Variants in MICU1 observed in about 807,000 individuals in gnomAD.
The protein encoded by MICU1 is mitochondrial calcium uptake 1.
Under a neutral mutation model 56.8 loss-of-function variants are expected in MICU1, and 45 were observed. The ratio of observed to expected loss-of-function variants is 0.79; its 90% CI spans 0.62 to 1.02. The LOEUF is 1.02. MICU1 is among the 50% of genes least tolerant of loss of function. MICU1 has a pLI of 0.00. For missense variants in MICU1, 504 were observed against 587.1 expected, an observed-to-expected ratio of 0.86 and a Z score of 1.46; for synonymous variants, 186 against 195.1, an observed-to-expected ratio of 0.95 and a Z score of 0.39.
At chr10:72,556,228 T>C (rs184827919) in intron 3 of MICU1, among the ~76,000 whole-genome samples, 1 of 152,372 alleles carries the variant, frequency 6.6e-6, no homozygotes, top group Admixed American at 6.5e-5. Context: ...GCATCTGTCA[T>C]AGGATGATCT....
chr10:72,490,855 C>A (rs1306175533), intron 6 of MICU1, among the ~76,000 whole-genome samples: 1 of 152,196 alleles, frequency 6.6e-6, no homozygotes, highest in Non-Finnish European at 1.5e-5. Flanking sequence ...TAGGAGGCAG[C>A]GAGTTTAATC....
Position 72,611,763 on chromosome 10 carries a change from T to C in MICU1, c.-2+14247A>G, listed in dbSNP as rs117632966. Among the ~76,000 whole-genome samples, 824 of 152,114 alleles carry C rather than the reference T, an allele frequency of 5.4e-3. 10 individuals carry two copies. Among genetic ancestry groups the C allele is most frequent in the Admixed American group, 0.011 (171 of 15,266 alleles). ...AGAATATTAGAGCTGAAAGAGACCT[T>C]AACATTTTTCAAAATTTCAGTATGA... is the stretch of plus-strand genomic sequence containing the variant. On this transcript the variant is annotated intron_variant, in intron 1 of 11. Transcript: ENST00000361114.
chr10:72,379,526 T>A (rs1862633315), intron 10 of MICU1: 1 of 419,898 alleles, frequency 2.4e-6, no homozygotes, highest in South Asian at 1.7e-5. Context: ...CACAGCCTTC[T>A]GCAATTGTCT....
At chr10:72,441,862 C>G (rs1052248289) in intron 8 of MICU1, among the ~76,000 whole-genome samples, 1 of 151,958 alleles carries the variant, frequency 6.6e-6, no homozygotes, top group African/African-American at 2.4e-5. Flanking sequence ...AAGTGATCCG[C>G]CCACCCTGGC....
rs1028179707 is a variant in MICU1, at chr10:72,538,618, A to G, written c.494-4829T>C. 1.1e-4 allele frequency among the ~76,000 whole-genome samples: 16 copies of G among 152,258 alleles called. No homozygotes were observed. The East Asian group carries it at 1.5e-3, about 15-fold the overall frequency. ...TAAAAATAAAAGGCAAGGAATTAAA[A>G]TATACTACCAGAGAAAATAACCACA... On this transcript the variant is annotated intron_variant, in intron 4 of 11. Coordinates refer to ENST00000361114, the MANE Select transcript of MICU1 (RefSeq NM_001195518.2).
intron 6 of MICU1, chr10:72,477,486 T>C: frequency 6.6e-7 from 1 of 1,517,454 alleles, no homozygotes; most frequent in African/African-American, 1.4e-5. Flanking sequence ...AGACAGCACT[T>C]GTCTACCTTT....
chr10:72,500,861 T>C (rs1231741733), intron 6 of MICU1, among the ~76,000 whole-genome samples: 2 of 152,204 alleles, frequency 1.3e-5, no homozygotes, highest in African/African-American at 4.8e-5. Context: ...AAAGAAATTC[T>C]GATAACCCTT....
rs551893309 is a variant in MICU1, at chr10:72,385,217, C to G, written c.1181-9345G>C. 1.2e-3 allele frequency among the ~76,000 whole-genome samples: 184 copies of G among 152,264 alleles called. 1 individual carries two copies. Among genetic ancestry groups the G allele is most frequent in the African/African-American group, 4.0e-3 (165 of 41,538 alleles). ...ATGTTAAAAACAAGCAGGCCGGGCA[C>G]AGTGGCTCACGTCTATAAATCCAAC... On this transcript the variant is annotated intron_variant, in intron 10 of 11. Transcript: ENST00000361114.
At chr10:72,416,386 G>A (rs1863984800) in intron 9 of MICU1, among the ~76,000 whole-genome samples, 1 of 152,114 alleles carries the variant, frequency 6.6e-6, no homozygotes, top group Non-Finnish European at 1.5e-5. Flanking sequence ...ATAGTGACTG[G>A]TGGGCACCTA....
At chr10:72,452,842 T>C (rs538098213) in intron 8 of MICU1, among the ~76,000 whole-genome samples, 9 of 152,316 alleles carry the variant, frequency 5.9e-5, no homozygotes, top group Admixed American at 5.9e-4. Flanking sequence ...TAAAATCATA[T>C]AACTGTTACT....
intron 1 of MICU1, among the ~76,000 whole-genome samples, chr10:72,600,449 G>A (rs1841497801): frequency 6.6e-6 from 1 of 151,942 alleles, no homozygotes; most frequent in Admixed American, 6.6e-5. Flanking sequence ...GGGAGTTCGA[G>A]ACCAGCCTGG....
At chr10:72,415,020 T>G (rs1863938898) in intron 9 of MICU1, among the ~76,000 whole-genome samples, 3 of 150,586 alleles carry the variant, frequency 2.0e-5, no homozygotes, top group African/African-American at 4.9e-5. Flanking sequence ...TTAGTTTTTT[T>G]TTTTTTTTTT....
At chr10:72,430,118 AAAAG>A (rs980643353) in intron 8 of MICU1, among the ~76,000 whole-genome samples, 1 of 152,188 alleles carries the variant, frequency 6.6e-6, no homozygotes, top group African/African-American at 2.4e-5. Flanking sequence ...AACTTTTCTT[AAAAG>A]AAAGTTAGGC....
intron 4 of MICU1, among the ~76,000 whole-genome samples, chr10:72,542,998 C>A (rs1298203712): frequency 6.6e-6 from 1 of 152,202 alleles, no homozygotes; most frequent in Non-Finnish European, 1.5e-5. Context: ...CGCTTGAAGT[C>A]AAGTCACTTC....
chr10:72,484,382 C>A lies in MICU1; in HGVS notation c.653-7126G>T, dbSNP rs566316244. 4.0e-5 allele frequency among the ~76,000 whole-genome samples: 6 copies of A among 151,370 alleles called. No individual in the cohort carries two copies. In the South Asian group the frequency reaches 8.4e-4, roughly 21 times the overall value. ...TTAACACAGAATTAAAAAAAAAATT[C>A]TCCTGGTGAAATGATGAATACCAAG... On this transcript the variant is annotated intron_variant, in intron 6 of 11. Transcript: ENST00000361114.
intron 10 of MICU1, among the ~76,000 whole-genome samples, chr10:72,403,725 G>C (rs945979246): frequency 4.7e-5 from 7 of 149,312 alleles, no homozygotes; most frequent in Non-Finnish European, 8.9e-5. Flanking sequence ...GTGCAATCTC[G>C]GCTCACTGCA....
intron 1 of MICU1, among the ~76,000 whole-genome samples, chr10:72,623,866 G>A (rs1842169291): frequency 1.3e-5 from 2 of 150,170 alleles, no homozygotes; most frequent in Admixed American, 6.7e-5. Flanking sequence ...ACCAGCCTCG[G>A]CAAAATGGCT....
At chr10:72,413,145 C>T (rs1022608338) in intron 9 of MICU1, among the ~76,000 whole-genome samples, 11 of 151,816 alleles carry the variant, frequency 7.2e-5, no homozygotes, top group African/African-American at 2.2e-4. Context: ...TGTAGTGAGC[C>T]GAGATCGTGC....
chr10:72,608,800 C>T (rs956886191), intron 1 of MICU1, among the ~76,000 whole-genome samples: 1 of 152,176 alleles, frequency 6.6e-6, no homozygotes, highest in African/African-American at 2.4e-5. Context: ...GTACCCAAGT[C>T]TCATCCAACC....
Sources: gnomAD v4.1 joint callset for allele counts (sites outside exome capture counted in the v4.1 genomes callset) on GRCh38, gnomAD v4.1.1 for gene constraint, MANE v1.5 for transcripts, NCBI Gene and HGNC (gene_info 2026-07-23, HGNC 2026-07-21) for gene names.